The following ARHGAP17 variants were observed in gnomAD, a reference collection of about 807,000 sequenced individuals.
ARHGAP17 encodes the protein Rho GTPase activating protein 17, also known as rho GTPase-activating protein 17.
Under a neutral mutation model 99.5 loss-of-function variants are expected in ARHGAP17, and 57 were observed. That is an observed-to-expected ratio of 0.57 (90% CI 0.46 to 0.71). The LOEUF is 0.71. Among genes scored for constraint, ARHGAP17 ranks in the 30% least tolerant of loss-of-function variants. ARHGAP17 has a pLI of 0.00. For missense variants in ARHGAP17, 1,000 were observed against 1,122.4 expected (o/e 0.89, Z 1.56); for synonymous variants, 417 against 429.6 (o/e 0.97, Z 0.36).
intron 13 of ARHGAP17, among the ~76,000 whole-genome samples, chr16:24,948,117 T>G (rs1195798066): frequency 6.6e-6 from 1 of 152,060 alleles, no homozygotes; most frequent in African/African-American, 2.4e-5. Context: ...TCACAGTATA[T>G]CCATACAGTG....
intron 1 of ARHGAP17, among the ~76,000 whole-genome samples, chr16:24,991,303 C>T (rs535142510): frequency 1.5e-4 from 23 of 152,320 alleles, no homozygotes; most frequent in African/African-American, 4.8e-4. Flanking sequence ...CTTCATTTAA[C>T]GTGTTTCGTG....
intron 17 of ARHGAP17, among the ~76,000 whole-genome samples, chr16:24,937,205 T>G (rs1445133712): frequency 6.6e-6 from 1 of 151,626 alleles, no homozygotes; most frequent in Non-Finnish European, 1.5e-5. Flanking sequence ...GTGGATCACT[T>G]GAGGTCAGGA....
At chr16:24,953,697 G>C (rs1458802747) in intron 10 of ARHGAP17, among the ~76,000 whole-genome samples, 1 of 152,106 alleles carries the variant, frequency 6.6e-6, no homozygotes, top group African/African-American at 2.4e-5. Flanking sequence ...AATTACCCAG[G>C]CTCAGGTAGT....
chr16:24,961,930 T>TATATATATATATATATATATATATGA (rs1567233173), intron 7 of ARHGAP17, among the ~76,000 whole-genome samples: 3 of 144,074 alleles, frequency 2.1e-5, no homozygotes, highest in African/African-American at 7.9e-5. Context: ...TATATATATA[T>TATATATATATATATATATATATATGA]GAAAACTTAT....
At chr16:24,927,724 G>A in intron 19 of ARHGAP17, 1 of 1,205,094 alleles carries the variant, frequency 8.3e-7, no homozygotes, top group South Asian at 1.4e-5. Context: ...AATATGGCAG[G>A]TCATACATCT....
intron 19 of ARHGAP17, among the ~76,000 whole-genome samples, chr16:24,921,308 G>A (rs373551212): frequency 6.6e-6 from 1 of 152,228 alleles, no homozygotes; most frequent in Non-Finnish European, 1.5e-5. Flanking sequence ...TAGGGCTGGT[G>A]TAAGAGAGAA....
intron 18 of ARHGAP17, among the ~76,000 whole-genome samples, chr16:24,932,784 G>T (rs1031547768): frequency 2.0e-5 from 3 of 151,974 alleles, no homozygotes; most frequent in Admixed American, 6.6e-5. Flanking sequence ...CAGATCTGGG[G>T]CTCTGGTTTT....
rs28365822 is a variant in ARHGAP17, at chr16:24,930,954, C to T, written c.2345G>A (p.Gly782Asp). 491 of 1,613,852 alleles carry T rather than the reference C, an allele frequency of 3.0e-4. 1 individual carries two copies. In the East Asian group the frequency reaches 9.4e-3, roughly 31 times the overall value. The change falls in exon 19 of 20, where the codon GGT (glycine) becomes GAT (aspartate). Residue 782 changes from glycine to aspartate, a missense_variant. Transcript: ENST00000289968. ...SLPAPQTLAG[G>D]NPETAQPHAG... The stretch of plus-strand genomic sequence containing the variant: ...ATGTGGCTGTGCAGTTTCAGGGTTA[C>T]CCCCTGCCAGGGTCTGAGGAGCTGG...
intron 1 of ARHGAP17, among the ~76,000 whole-genome samples, chr16:24,995,036 A>G (rs1320854292): frequency 6.6e-6 from 1 of 152,216 alleles, no homozygotes; most frequent in African/African-American, 2.4e-5. Flanking sequence ...AAATGGCATC[A>G]GCAAGGAGAA....
intron 19 of ARHGAP17, among the ~76,000 whole-genome samples, chr16:24,923,931 A>C (rs1252484695): frequency 2.6e-5 from 4 of 152,078 alleles, no homozygotes; most frequent in African/African-American, 4.8e-5. Context: ...ACTGAGGGTA[A>C]GGTTCTAGAA....
intron 1 of ARHGAP17, among the ~76,000 whole-genome samples, chr16:25,008,078 T>C (rs1487786094): frequency 6.6e-6 from 1 of 152,210 alleles, no homozygotes; most frequent in Non-Finnish European, 1.5e-5. Flanking sequence ...TTTGGGAATA[T>C]GGGAAATATT....
chr16:24,970,752 T>C (rs2052338583), intron 3 of ARHGAP17, among the ~76,000 whole-genome samples, 172 bp from the exon 4 acceptor site: 1 of 152,260 alleles, frequency 6.6e-6, no homozygotes, highest in African/African-American at 2.4e-5. Flanking sequence ...TGATGATCTC[T>C]GTTTCAGTTT....
intron 1 of ARHGAP17, among the ~76,000 whole-genome samples, chr16:24,995,919 G>A (rs528355513): frequency 6.6e-5 from 10 of 151,894 alleles, no homozygotes; most frequent in African/African-American, 2.4e-4. Context: ...AGAGACCAAG[G>A]GCTTTGCTAT....
chr16:24,971,518 G>C (rs1000443879), intron 3 of ARHGAP17, among the ~76,000 whole-genome samples: 2 of 151,930 alleles, frequency 1.3e-5, no homozygotes, highest in African/African-American at 4.8e-5. Flanking sequence ...AGCAGAAACA[G>C]GGTTTTGCCA....
At chr16:24,927,090 G>C (rs1157368064) in intron 19 of ARHGAP17, among the ~76,000 whole-genome samples, 1 of 152,150 alleles carries the variant, frequency 6.6e-6, no homozygotes, top group East Asian at 1.9e-4. Context: ...GGCCAACATG[G>C]TGAAGCCCCG....
chr16:24,987,647 C>T (rs1342451655), intron 1 of ARHGAP17, among the ~76,000 whole-genome samples: 1 of 151,884 alleles, frequency 6.6e-6, no homozygotes, highest in Non-Finnish European at 1.5e-5. Context: ...AATATGTGGC[C>T]GAGGCGCCAA....
In ARHGAP17 at chr16:24,942,100, G is replaced by A; in HGVS notation, c.1377C>T (p.Thr459=). 1.9e-6 allele frequency: 3 copies of A among 1,614,064 alleles called. No homozygotes were observed. The highest frequency in any genetic ancestry group is 2.5e-6 in the Non-Finnish European group (3 of 1,179,984). ...TGTGGAATGAGTGATTAGAACTCGG[G>A]GTGGTGAGAGGTACAAATGCTTCTG... ...NVSEAFVPLT[T]PSSNHSFHTG... is the part of the protein sequence containing the mutation. The change falls in exon 16 of 20, where the codon ACC becomes ACT. Residue 459 remains threonine (T), a synonymous_variant. Coordinates refer to ENST00000289968, the MANE Select transcript of ARHGAP17 (RefSeq NM_001006634.3).
Position 24,935,530 on chromosome 16 carries a change from G to A in ARHGAP17, c.1834C>T (p.Gln612Ter). 6.2e-7 allele frequency: 1 copy of A among 1,613,532 alleles called. No individual in the cohort carries two copies. Among genetic ancestry groups the A allele is most frequent in the Non-Finnish European group, 8.5e-7 (1 of 1,179,826 alleles). Residue 612 changes from glutamine to a stop codon, truncating the protein, a stop_gained, in exon 18 of 20, where the codon CAG becomes TAG. Coordinates refer to ENST00000289968, the MANE Select transcript of ARHGAP17 (RefSeq NM_001006634.3). LOFTEE classifies it high-confidence loss of function. Reference protein sequence around the residue: ...NQPQAAAGSHQLSMGQPHNAA... With the variant: ...NQPQAAAGSH ...TTGTGAGGTTGGCCCATGGAGAGCT[G>A]GTGGGAGCCAGCAGCTGCCTGGGGC...
At chr16:24,959,879 G>T (rs768593883) in intron 8 of ARHGAP17, 32 bp downstream of exon 8, 8 of 1,609,026 alleles carry the variant, frequency 5.0e-6, no homozygotes, top group Non-Finnish European at 6.8e-6. Context: ...TTTTAACAAT[G>T]CTTTAACATT....
Sources: allele counts gnomAD v4.1 joint callset (sites outside exome capture counted in the v4.1 genomes callset), GRCh38; gene constraint gnomAD v4.1.1; transcripts MANE v1.5; gene names NCBI Gene and HGNC (gene_info 2026-07-23, HGNC 2026-07-21).